The following ABCC1 variants were observed in gnomAD, a reference collection of about 807,000 sequenced individuals.
ABCC1 encodes the protein multidrug resistance-associated protein 1.
A neutral mutation model predicts 172.9 loss-of-function variants in ABCC1; 83 were observed. The observed-to-expected ratio is 0.48, with a 90% confidence interval of 0.40 to 0.58. The LOEUF is 0.58. ABCC1 is among the 20% of genes least tolerant of loss of function. ABCC1 has a pLI of 0.00. For missense variants in ABCC1, 1,817 were observed against 2,002.7 expected (o/e 0.91, Z 1.77); for synonymous variants, 937 against 825.2 (o/e 1.14, Z -2.32).
intron 12 of ABCC1, among the ~76,000 whole-genome samples, chr16:16,057,420 T>TC (rs1346905586): frequency 6.6e-6 from 1 of 151,782 alleles, no homozygotes; most frequent in African/African-American, 2.4e-5. Flanking sequence ...TGTCTGCTTT[T>TC]CCCCCACTAG....
Position 16,068,256 on chromosome 16 carries a change from G to A in ABCC1, c.1778G>A (p.Arg593Gln), listed in dbSNP as rs1388710694. Residue 593 changes from arginine to glutamine, a missense_variant, in exon 13 of 31, where the codon CGG (arginine) becomes CAG (glutamine). By Grantham distance (43) the Arg-to-Gln change is conservative. This residue lies in a region of ABCC1 where 1,412 missense variants were observed against 1,600.3 expected (regional missense o/e 0.88). Coordinates refer to ENST00000399410, the MANE Select transcript of ABCC1 (RefSeq NM_004996.4). ...TCTTTGGCCTTGTTCAACATCCTCC[G>A]GTTTCCCCTGAACATTCTCCCCATG... ...FVSLALFNIL[R>Q]FPLNILPMVI... The A allele has an allele frequency of 4.3e-6, 7 of 1,613,902 alleles. No individual in the cohort carries two copies. Among genetic ancestry groups the A allele is most frequent in the East Asian group, 2.2e-5 (1 of 44,868 alleles).
intron 1 of ABCC1, among the ~76,000 whole-genome samples, chr16:15,984,826 T>C (rs1326398959): frequency 5.9e-5 from 9 of 152,096 alleles, no homozygotes; most frequent in African/African-American, 1.9e-4. Context: ...CATGGCCAGG[T>C]GCAGTGTGGG....
intron 19 of ABCC1, chr16:16,099,038 T>C (rs1179263651): frequency 1.3e-6 from 1 of 747,988 alleles, no homozygotes; most frequent in African/African-American, 1.8e-5. Flanking sequence ...TTGGTTCATT[T>C]AGCACACATT....
intron 1 of ABCC1, among the ~76,000 whole-genome samples, chr16:16,004,290 A>G (rs1165422957): frequency 2.0e-5 from 3 of 152,166 alleles, no homozygotes; most frequent in South Asian, 2.1e-4. Flanking sequence ...AATGTTTAAC[A>G]TTGGAACTAT....
chr16:16,063,548 C>T (rs1321753073), intron 12 of ABCC1, among the ~76,000 whole-genome samples: 2 of 152,134 alleles, frequency 1.3e-5, no homozygotes, highest in Non-Finnish European at 2.9e-5. Context: ...TAGGAACTGT[C>T]TTGCAAATAA....
intron 1 of ABCC1, among the ~76,000 whole-genome samples, chr16:15,966,922 TCTC>T (rs2046256297): frequency 6.6e-6 from 1 of 152,152 alleles, no homozygotes; most frequent in African/African-American, 2.4e-5. Context: ...CTCAAGCAGT[TCTC>T]CTGCCTCAGC....
intron 12 of ABCC1, among the ~76,000 whole-genome samples, chr16:16,067,214 C>T (rs2050144749): frequency 6.6e-6 from 1 of 152,184 alleles, no homozygotes; most frequent in Non-Finnish European, 1.5e-5. Flanking sequence ...TGCACCACTG[C>T]ACCCAGGGAT....
At chr16:16,069,581 A>T (rs760509207) in intron 13 of ABCC1, among the ~76,000 whole-genome samples, 1 of 152,096 alleles carries the variant, frequency 6.6e-6, no homozygotes. Flanking sequence ...TTTTAACTAC[A>T]TAGGCAAATC....
In ABCC1 at chr16:16,132,020, C is replaced by T; in HGVS notation, c.3966+85C>T. 4 of 1,519,048 alleles carry T rather than the reference C, an allele frequency of 2.6e-6. No homozygotes were observed. The South Asian group carries it at 3.7e-5, about 14-fold the overall frequency. 94.1% of individuals were successfully genotyped at this position (1,519,048 alleles called of 1,614,324 possible). On this transcript the variant is annotated intron_variant, in intron 27 of 30. Transcript: ENST00000399410. ...GCAGGTGAACCTAGCTGCAGCGTCT[C>T]CCCAGTCACTCACGGCTCCACACCT...
intron 1 of ABCC1, among the ~76,000 whole-genome samples, chr16:15,985,700 C>A (rs577178343): frequency 6.6e-6 from 1 of 152,184 alleles, no homozygotes. Context: ...CTGCTTTGGG[C>A]TCCCAAAGTG....
rs143172317 is a variant in ABCC1, at chr16:16,087,886, T to G, written c.2460+895T>G. Among the ~76,000 whole-genome samples, 330 of 152,338 alleles carry G rather than the reference T, an allele frequency of 2.2e-3. 6 individuals carry two copies. The highest frequency in any genetic ancestry group is 0.02 in the Admixed American group (310 of 15,300). On this transcript the variant is annotated intron_variant, in intron 18 of 30. Transcript: ENST00000399410. ...AGAGGTTTTGTATTTTTTTCAAGTC[T>G]TTTTGCTCTGTGTATAAACTTTTTA...
intron 19 of ABCC1, 115 bp from the exon 20 acceptor site, chr16:16,102,512 C>T (rs2051807494): frequency 7.9e-6 from 7 of 883,734 alleles, no homozygotes; most frequent in Non-Finnish European, 1.3e-5. Context: ...TTCTGATCAT[C>T]CTGGCGGCCA....
At chr16:16,068,403 C>A in intron 13 of ABCC1, 101 bp downstream of exon 13, 3 of 1,402,366 alleles carry the variant, frequency 2.1e-6, no homozygotes, top group South Asian at 1.2e-5. Flanking sequence ...ATCACACTCC[C>A]GGTCGGGCTC....
intron 9 of ABCC1, among the ~76,000 whole-genome samples, 181 bp downstream of exon 9, chr16:16,046,194 C>T (rs984358138): frequency 3.3e-5 from 5 of 152,150 alleles, no homozygotes; most frequent in Non-Finnish European, 7.3e-5. Context: ...GTTAGGAAAG[C>T]TGATTTCAAG....
intron 7 of ABCC1, among the ~76,000 whole-genome samples, chr16:16,038,511 T>C (rs1427444574): frequency 6.6e-6 from 1 of 152,194 alleles, no homozygotes; most frequent in East Asian, 1.9e-4. Context: ...TTACTCTGAC[T>C]TTTTGTTGTG....
intron 5 of ABCC1, among the ~76,000 whole-genome samples, chr16:16,026,464 C>CTTTTTTTTTTTTTTTTTTTTTT (rs1491397616): frequency 2.9e-5 from 3 of 102,260 alleles, no homozygotes; most frequent in African/African-American, 1.0e-4. Flanking sequence ...AAGGCTATTT[C>CTTTTTTTTTTTTTTTTTTTTTT]CTTTTTTTTT....
Position 15,981,394 on chromosome 16 carries a change from A to G in ABCC1, c.49-26422A>G, listed in dbSNP as rs146982953. Among the ~76,000 whole-genome samples the G allele has an allele frequency of 8.5e-5, 13 of 152,282 alleles. No homozygotes were observed. In the East Asian group the frequency reaches 2.3e-3, roughly 27 times the overall value. On this transcript the variant is annotated intron_variant, in intron 1 of 30. Coordinates refer to ENST00000399410, the MANE Select transcript of ABCC1 (RefSeq NM_004996.4). The stretch of plus-strand genomic sequence containing the variant: ...ACTGCTGCAGCAAACTTCTGCCTGG[A>G]CACCCAGGCATTTCCATGCATCCTC...
At chr16:15,993,948 T>C (rs1228668346) in intron 1 of ABCC1, among the ~76,000 whole-genome samples, 1 of 152,076 alleles carries the variant, frequency 6.6e-6, no homozygotes, top group Non-Finnish European at 1.5e-5. Context: ...CTTAGAATTC[T>C]GGCTGGGCAT....
chr16:15,992,629 A>C (rs534710940), intron 1 of ABCC1, among the ~76,000 whole-genome samples: 1 of 152,108 alleles, frequency 6.6e-6, no homozygotes, highest in Non-Finnish European at 1.5e-5. Flanking sequence ...TCAAACTCCT[A>C]ACCTTGGGTG....
Sources: allele counts gnomAD v4.1 joint callset (sites outside exome capture counted in the v4.1 genomes callset), GRCh38; gene constraint gnomAD v4.1.1; regional missense constraint gnomAD v4.1.1; transcripts MANE v1.5; gene names NCBI Gene and HGNC (gene_info 2026-07-23, HGNC 2026-07-21).